CREB1: variants seen among roughly 807,000 people sequenced by gnomAD.
The protein encoded by CREB1 is cAMP responsive element binding protein 1.
A neutral mutation model predicts 42.0 loss-of-function variants in CREB1; 2 were observed. That is an observed-to-expected ratio of 0.05 (90% CI 0.02 to 0.15). CREB1 has a LOEUF of 0.15. Among genes scored for constraint, CREB1 ranks in the 10% least tolerant of loss-of-function variants. The pLI is 1.00. For synonymous variants in CREB1, 123 were observed against 139.9 expected, an observed-to-expected ratio of 0.88 and a Z score of 0.85; for missense variants, 199 against 388.9, an observed-to-expected ratio of 0.51 and a Z score of 4.11.
In CREB1 at chr2:207,555,764, G is replaced by C; in HGVS notation, c.114+15G>C. 1 of 1,529,240 alleles carries C rather than the reference G, an allele frequency of 6.5e-7. No individual in the cohort carries two copies. The highest frequency in any genetic ancestry group is 9.1e-7 in the Non-Finnish European group (1 of 1,103,766). The allele number at this position is 1,529,240 out of a possible 1,614,324, so 94.7% of individuals were successfully genotyped here. A position where few individuals can be genotyped will look rare whatever the true frequency, so the allele number is the denominator to read the frequency against. ...CATTAGCCCAGGTATAAAATACATG[G>C]AGAGATTCCAGTTTGTGTCTCTTCC... On this transcript the variant is annotated intron_variant, in intron 2 of 7. Transcript: ENST00000353267.
chr2:207,535,794 T>TTTA (rs1553569049), intron 1 of CREB1, among the ~76,000 whole-genome samples: 8 of 145,552 alleles, frequency 5.5e-5, no homozygotes, highest in Non-Finnish European at 9.0e-5. Flanking sequence ...TACAATACTT[T>TTTA]TTTATTTATT....
chr2:207,546,985 A>AT (rs902932637), intron 1 of CREB1, among the ~76,000 whole-genome samples: 1 of 152,184 alleles, frequency 6.6e-6, no homozygotes, highest in Non-Finnish European at 1.5e-5. Flanking sequence ...AGAACTCCTC[A>AT]TTTTTTGTAA....
At chr2:207,576,740 T>C in intron 6 of CREB1, 2 of 1,118,030 alleles carry the variant, frequency 1.8e-6, no homozygotes, top group African/African-American at 1.7e-5. Flanking sequence ...CCATACATTT[T>C]AATTGATATT....
chr2:207,577,672 T>C lies in CREB1; in HGVS notation c.839+17T>C, dbSNP rs202133585. ...GAAGAACAGGTACAAATACTGCATT[T>C]ACTTAGATTGTTATGTGTTAAGTGT... On this transcript the variant is annotated intron_variant, in intron 7 of 7. Coordinates refer to ENST00000353267, the MANE Select transcript of CREB1 (RefSeq NM_004379.5). 1 of 1,613,362 alleles carries C rather than the reference T, an allele frequency of 6.2e-7. No individual in the cohort carries two copies. The highest frequency in any genetic ancestry group is 8.5e-7 in the Non-Finnish European group (1 of 1,179,702).
intron 7 of CREB1, among the ~76,000 whole-genome samples, chr2:207,590,485 C>T (rs1237056828): frequency 1.3e-5 from 2 of 151,744 alleles, no homozygotes; most frequent in Non-Finnish European, 2.9e-5. Flanking sequence ...TTTTCTCCTG[C>T]TTGCTTTGGT....
At chr2:207,544,895 A>G (rs904279474) in intron 1 of CREB1, among the ~76,000 whole-genome samples, 5 of 152,250 alleles carry the variant, frequency 3.3e-5, no homozygotes, top group Non-Finnish European at 7.3e-5. Context: ...TGCAAAGGAC[A>G]TGATCTTGTT....
intron 1 of CREB1, among the ~76,000 whole-genome samples, chr2:207,550,109 G>T (rs566502568): frequency 5.9e-5 from 9 of 152,132 alleles, no homozygotes; most frequent in Non-Finnish European, 1.2e-4. Flanking sequence ...TTTATGCAGA[G>T]TATTTTTAGT....
intron 7 of CREB1, among the ~76,000 whole-genome samples, chr2:207,588,063 T>A (rs184107092): frequency 6.6e-6 from 1 of 152,340 alleles, no homozygotes; most frequent in Non-Finnish European, 1.5e-5. Flanking sequence ...CTCATAAATG[T>A]CTACAGTTAT....
At chr2:207,541,262 C>T (rs1056719841) in intron 1 of CREB1, among the ~76,000 whole-genome samples, 4 of 152,156 alleles carry the variant, frequency 2.6e-5, no homozygotes, top group Non-Finnish European at 5.9e-5. Flanking sequence ...CCTTTGAAGT[C>T]TACAATAGTG....
chr2:207,566,508 T>G (rs1234224320), intron 3 of CREB1, among the ~76,000 whole-genome samples: 8 of 152,174 alleles, frequency 5.3e-5, no homozygotes, highest in African/African-American at 1.9e-4. Flanking sequence ...AGAAAAGGTG[T>G]GAAAATGCCA....
chr2:207,595,898 A>T (rs556897699), intron 7 of CREB1, among the ~76,000 whole-genome samples: 17 of 152,312 alleles, frequency 1.1e-4, no homozygotes, highest in Admixed American at 9.8e-4. Context: ...TAGCAGATAT[A>T]TGATTTGCAG....
Position 207,602,292 on chromosome 2 carries a change from A to G in CREB1, c.*5234A>G, listed in dbSNP as rs752952301. 5.7e-5 allele frequency: 11 copies of G among 193,210 alleles called. No homozygotes were observed. The highest frequency in any genetic ancestry group is 1.2e-4 in the Non-Finnish European group (11 of 92,506). 12.0% of individuals were successfully genotyped at this position (193,210 alleles called of 1,614,324 possible). Reference sequence around the variant, plus strand: ...AAAGCCGGTGATGCAAGTTGATATTATAAACAGGCAGTTTTAGCACAGAAA... The same window carrying G: ...AAAGCCGGTGATGCAAGTTGATATTGTAAACAGGCAGTTTTAGCACAGAAA... On this transcript the variant is annotated 3_prime_UTR_variant, in exon 8 of 8. Coordinates refer to ENST00000353267, the MANE Select transcript of CREB1 (RefSeq NM_004379.5).
At chr2:207,588,265 C>A (rs1574963406) in intron 7 of CREB1, among the ~76,000 whole-genome samples, 1 of 152,148 alleles carries the variant, frequency 6.6e-6, no homozygotes, top group East Asian at 1.9e-4. Context: ...ATAGGAACAT[C>A]CATTTGTTCC....
rs1242185390 is a variant in CREB1 at position 207,598,862 on chromosome 2, CT to C, written c.*1805del. The C allele has an allele frequency of 5.7e-6, 1 of 175,036 alleles. No homozygotes were observed. The highest frequency in any genetic ancestry group is 1.2e-5 in the Non-Finnish European group (1 of 81,306). The allele number at this position is 175,036 out of a possible 1,614,324, so 10.8% of individuals were successfully genotyped here. A position where few individuals can be genotyped will look rare whatever the true frequency, so the allele number is the denominator to read the frequency against. ...CAAAAAATAAAAATAAAAAAAATGT[CT>C]CATTTGGGAAGGAAATTCCTTTTAA... On this transcript the variant is annotated 3_prime_UTR_variant, in exon 8 of 8. Transcript: ENST00000353267.
At position 207,601,188 on chromosome 2, in the gene CREB1, T is replaced by C. The variant is rs1408504641; in HGVS notation, c.*4130T>C. 2 of 185,350 alleles carry C rather than the reference T, an allele frequency of 1.1e-5. No individual in the cohort carries two copies. The highest frequency in any genetic ancestry group is 2.3e-5 in the African/African-American group (1 of 42,684). The allele number at this position is 185,350 out of a possible 1,614,324, so 11.5% of individuals were successfully genotyped here. On this transcript the variant is annotated 3_prime_UTR_variant, in exon 8 of 8. Transcript: ENST00000353267. ...TATATTTTTTCCCTCATGGACCCAA[T>C]AGAAAAGTTGTATATTTATTTGGAT...
intron 7 of CREB1, among the ~76,000 whole-genome samples, chr2:207,587,643 A>G (rs958330396): frequency 1.3e-5 from 2 of 152,244 alleles, no homozygotes; most frequent in African/African-American, 2.4e-5. Flanking sequence ...ATTTGTGGCC[A>G]TGTGGATGAA....
rs530068453 is a variant in CREB1, at chr2:207,597,273, A to T, written c.*215A>T. 11 of 460,732 alleles carry T rather than the reference A, an allele frequency of 2.4e-5. No individual in the cohort carries two copies. In the East Asian group the frequency reaches 4.1e-4, roughly 17 times the overall value. The allele number at this position is 460,732 out of a possible 1,614,324, so 28.5% of individuals were successfully genotyped here. On this transcript the variant is annotated 3_prime_UTR_variant, in exon 8 of 8. Coordinates refer to ENST00000353267, the MANE Select transcript of CREB1 (RefSeq NM_004379.5). ...CACTTCTCCCCTCAAGAAATTTTCAACGCCAGGAATCATGAAGAGACTTCT... is the reference window on the plus strand; with the variant it reads ...CACTTCTCCCCTCAAGAAATTTTCATCGCCAGGAATCATGAAGAGACTTCT...
rs771343913 is a variant in CREB1, at chr2:207,575,469, A to C, written c.688+15A>C. Reference sequence around the variant, plus strand: ...TGTTGTTCAAGGTAAGGGAATTCAGAATTCACAGGTGTGGTAAATTCTTCA... The same window carrying C: ...TGTTGTTCAAGGTAAGGGAATTCAGCATTCACAGGTGTGGTAAATTCTTCA... On this transcript the variant is annotated intron_variant, in intron 6 of 7. Transcript: ENST00000353267. 1.3e-6 allele frequency: 2 copies of C among 1,587,340 alleles called. No individual in the cohort carries two copies. The highest frequency in any genetic ancestry group is 1.7e-6 in the Non-Finnish European group (2 of 1,161,024).
In CREB1 at chr2:207,599,297, C is replaced by G. The variant is rs2086664127; in HGVS notation, c.*2239C>G. The G allele has an allele frequency of 4.9e-6, 1 of 205,780 alleles. No individual in the cohort carries two copies. Among genetic ancestry groups the G allele is most frequent in the Admixed American group, 5.9e-5 (1 of 16,838 alleles). 12.7% of individuals were successfully genotyped at this position (205,780 alleles called of 1,614,324 possible). On this transcript the variant is annotated 3_prime_UTR_variant, in exon 8 of 8. Transcript: ENST00000353267. ...GTTTAACAGAAATCAAGCAAAGTCA[C>G]AAATATGTTCACAAGTTGGAATTAT...
Sources: allele counts gnomAD v4.1 joint callset (sites outside exome capture counted in the v4.1 genomes callset), GRCh38; gene constraint gnomAD v4.1.1; transcripts MANE v1.5; gene names NCBI Gene and HGNC (gene_info 2026-07-23, HGNC 2026-07-21).